FAM13A: variants seen among roughly 807,000 people sequenced by gnomAD.
FAM13A encodes the protein family with sequence similarity 13 member A.
In FAM13A, 76 loss-of-function variants were observed where a neutral mutation model predicts 129.6. The ratio of observed to expected loss-of-function variants is 0.59; its 90% CI spans 0.49 to 0.71. The LOEUF (loss-of-function observed/expected upper bound fraction) is 0.71. Ranked by LOEUF, FAM13A falls within the 30% of genes least tolerant of loss-of-function variation. FAM13A has a pLI of 0.00. For synonymous variants in FAM13A, 443 were observed against 449.9 expected (o/e 0.98, Z 0.20); for missense variants, 1,108 against 1,249.3 (o/e 0.89, Z 1.70).
chr4:89,056,600 T>A (rs1772221032), intron 1 of FAM13A, among the ~76,000 whole-genome samples: 2 of 152,316 alleles, frequency 1.3e-5, no homozygotes, highest in Middle Eastern at 3.4e-3. Context: ...ACAAGATTTC[T>A]CTAATAGCTA....
intron 6 of FAM13A, among the ~76,000 whole-genome samples, chr4:88,903,208 C>T (rs1237406366): frequency 6.6e-6 from 1 of 152,062 alleles, no homozygotes; most frequent in Non-Finnish European, 1.5e-5. Flanking sequence ...AATGCTATTC[C>T]CATTAAACTA....
At chr4:88,841,061 GA>G (rs1169535388) in intron 7 of FAM13A, among the ~76,000 whole-genome samples, 1 of 151,738 alleles carries the variant, frequency 6.6e-6, no homozygotes, top group African/African-American at 2.4e-5. Context: ...AAAACTCTTA[GA>G]AAAAAACTCA....
At chr4:88,843,065 C>G (rs1182866055) in intron 7 of FAM13A, among the ~76,000 whole-genome samples, 4 of 152,138 alleles carry the variant, frequency 2.6e-5, no homozygotes, top group African/African-American at 4.8e-5. Flanking sequence ...TTCATGGGAG[C>G]TAGTGGCGGT....
At chr4:88,846,634 C>G (rs866430585) in intron 7 of FAM13A, among the ~76,000 whole-genome samples, 2 of 152,242 alleles carry the variant, frequency 1.3e-5, no homozygotes, top group Non-Finnish European at 2.9e-5. Context: ...TATCCCTCCT[C>G]ACTCCAACTT....
rs960120906 is a variant in FAM13A, at chr4:88,937,993, G to T, written c.759+95C>A. ...TATACACAGGAATAATAATCTGAGG[G>T]TTATATCCATATGGAATTTTTATGA... is the stretch of plus-strand genomic sequence containing the variant. On this transcript the variant is annotated intron_variant, in intron 5 of 23. Transcript: ENST00000264344. 1.0e-5 allele frequency: 9 copies of T among 882,768 alleles called. No individual in the cohort carries two copies. In the South Asian group the frequency reaches 1.3e-4, roughly 13 times the overall value. 54.7% of individuals were successfully genotyped at this position (882,768 alleles called of 1,614,324 possible).
At chr4:88,788,823 T>A (rs1443132253) in intron 9 of FAM13A, among the ~76,000 whole-genome samples, 1 of 152,146 alleles carries the variant, frequency 6.6e-6, no homozygotes, top group Non-Finnish European at 1.5e-5. Flanking sequence ...AGAAGTAGCA[T>A]TTACTTAAAT....
intron 11 of FAM13A, among the ~76,000 whole-genome samples, chr4:88,769,912 TTGA>T (rs1431764012): frequency 4.6e-5 from 7 of 152,116 alleles, no homozygotes. Flanking sequence ...TAATGAATTG[TTGA>T]TGTTATTGTT....
intron 1 of FAM13A, among the ~76,000 whole-genome samples, chr4:89,030,565 T>G (rs1316748184): frequency 6.6e-6 from 1 of 152,114 alleles, no homozygotes; most frequent in Non-Finnish European, 1.5e-5. Flanking sequence ...CTTACCAATG[T>G]GGAAATACTA....
intron 7 of FAM13A, among the ~76,000 whole-genome samples, chr4:88,814,428 ATGGGAGAATTAATAACTCGGCAGG>A (rs1730282385): frequency 6.6e-6 from 1 of 152,170 alleles, no homozygotes; most frequent in Non-Finnish European, 1.5e-5. Flanking sequence ...CTTGGAAAGC[ATGGGAGAATTAATAACTCGGCAGG>A]TGTGGCAATT....
chr4:89,011,994 TA>T (rs1024309950), intron 3 of FAM13A, among the ~76,000 whole-genome samples: 5 of 151,950 alleles, frequency 3.3e-5, no homozygotes, highest in Admixed American at 6.6e-5. Flanking sequence ...TAGAAGTTAC[TA>T]AAAAAAATAC....
chr4:88,773,530 T>C (rs1721097378), intron 11 of FAM13A, among the ~76,000 whole-genome samples: 1 of 152,190 alleles, frequency 6.6e-6, no homozygotes, highest in Non-Finnish European at 1.5e-5. Context: ...TGCCTCCATG[T>C]TGCACTGGAG....
intron 4 of FAM13A, among the ~76,000 whole-genome samples, chr4:88,970,458 T>A (rs1174460194): frequency 6.6e-6 from 1 of 151,128 alleles, no homozygotes; most frequent in East Asian, 1.9e-4. Context: ...TATATATATA[T>A]GATACATAAT....
At chr4:88,761,805 C>G (rs964100201) in intron 13 of FAM13A, among the ~76,000 whole-genome samples, 1 of 151,782 alleles carries the variant, frequency 6.6e-6, no homozygotes, top group Non-Finnish European at 1.5e-5. Flanking sequence ...GATACAAAGA[C>G]AAAACTTATT....
intron 5 of FAM13A, among the ~76,000 whole-genome samples, chr4:88,931,478 G>A (rs114930965): frequency 2.0e-5 from 3 of 152,016 alleles, no homozygotes; most frequent in African/African-American, 7.2e-5. Flanking sequence ...GGCCATGCAG[G>A]CTGCCTCAAA....
At chr4:88,782,556 A>G (rs927067769) in intron 10 of FAM13A, among the ~76,000 whole-genome samples, 2 of 152,212 alleles carry the variant, frequency 1.3e-5, no homozygotes, top group African/African-American at 4.8e-5. Context: ...ATCTAAATTC[A>G]TATCTTTAGA....
chr4:88,971,760 C>T (rs1034349334), intron 4 of FAM13A, among the ~76,000 whole-genome samples: 1 of 152,180 alleles, frequency 6.6e-6, no homozygotes, highest in African/African-American at 2.4e-5. Flanking sequence ...AATCCTCCCA[C>T]CAGCCTTCTG....
At chr4:88,862,164 C>A (rs1455411384) in intron 6 of FAM13A, among the ~76,000 whole-genome samples, 9 of 152,146 alleles carry the variant, frequency 5.9e-5, no homozygotes, top group African/African-American at 1.9e-4. Context: ...TAATTGCATG[C>A]ATATATACAT....
chr4:88,906,245 G>A, intron 6 of FAM13A, 134 bp downstream of exon 6: 5 of 630,896 alleles, frequency 7.9e-6, no homozygotes, highest in South Asian at 1.9e-5. Context: ...CTGAGATTGC[G>A]CCACTGCACT....
chr4:88,879,372 G>A (rs774317374), intron 6 of FAM13A, among the ~76,000 whole-genome samples: 12 of 152,082 alleles, frequency 7.9e-5, no homozygotes, highest in Non-Finnish European at 1.8e-4. Context: ...TAGAAAAGTG[G>A]GAAGTAATAT....
Sources: gnomAD v4.1 joint callset for allele counts (sites outside exome capture counted in the v4.1 genomes callset) on GRCh38, gnomAD v4.1.1 for gene constraint, MANE v1.5 for transcripts, NCBI Gene and HGNC (gene_info 2026-07-23, HGNC 2026-07-21) for gene names.